The following CFAP69 variants were observed in gnomAD, a reference collection of about 807,000 sequenced individuals.
CFAP69 encodes cilia- and flagella-associated protein 69.
A neutral mutation model predicts 123.0 loss-of-function variants in CFAP69; 92 were observed. The observed-to-expected ratio is 0.75, with a 90% CI of 0.63 to 0.89. The LOEUF is 0.89. CFAP69 is among the 40% of genes least tolerant of loss of function. The probability of loss-of-function intolerance (pLI) is 0.00; values close to 1 mark genes in which losing one functional copy is unlikely to be tolerated. For synonymous variants in CFAP69, 380 were observed against 364.3 expected, an observed-to-expected ratio of 1.04 and a Z score of -0.49; for missense variants, 1,067 against 1,096.9, an observed-to-expected ratio of 0.97 and a Z score of 0.39.
chr7:90,264,492 T>C (rs921433281), intron 4 of CFAP69, among the ~76,000 whole-genome samples: 1 of 152,028 alleles, frequency 6.6e-6, no homozygotes, highest in African/African-American at 2.4e-5. Context: ...TAAGAATGAA[T>C]AAACTATCGA....
At chr7:90,291,169 G>T (rs562408949) in intron 15 of CFAP69, among the ~76,000 whole-genome samples, 4 of 152,262 alleles carry the variant, frequency 2.6e-5, no homozygotes, top group African/African-American at 9.6e-5. Context: ...AAGGATAAAA[G>T]AATGGCTACT....
chr7:90,253,165 A>G (rs189886619), intron 1 of CFAP69, among the ~76,000 whole-genome samples: 58 of 152,334 alleles, frequency 3.8e-4, no homozygotes, highest in African/African-American at 1.4e-3. Flanking sequence ...GATACAAAGG[A>G]AACTGGGAGA....
At chr7:90,291,169 G>A (rs562408949) in intron 15 of CFAP69, among the ~76,000 whole-genome samples, 2 of 152,144 alleles carry the variant, frequency 1.3e-5, no homozygotes, top group African/African-American at 4.8e-5. Context: ...AAGGATAAAA[G>A]AATGGCTACT....
At chr7:90,281,235 T>G (rs1447330035) in intron 12 of CFAP69, among the ~76,000 whole-genome samples, 2 of 152,092 alleles carry the variant, frequency 1.3e-5, no homozygotes, top group African/African-American at 4.8e-5. Context: ...GAGCAAAAAT[T>G]TAACCCAGGT....
intron 17 of CFAP69, chr7:90,303,617 A>G: frequency 1.0e-6 from 1 of 969,388 alleles, no homozygotes; most frequent in Non-Finnish European, 1.2e-6. Flanking sequence ...TAATATATAG[A>G]AACCAAAAGT....
chr7:90,296,863 A>T (rs762486198), intron 15 of CFAP69, among the ~76,000 whole-genome samples: 2 of 152,198 alleles, frequency 1.3e-5, no homozygotes, highest in Admixed American at 6.5e-5. Context: ...ACTGGGGATC[A>T]ATAGAAAGGA....
chr7:90,292,043 TTCTC>T (rs1398212199), intron 15 of CFAP69, among the ~76,000 whole-genome samples: 1 of 152,170 alleles, frequency 6.6e-6, no homozygotes, highest in Non-Finnish European at 1.5e-5. Flanking sequence ...TGAAACATAT[TTCTC>T]TCTCCAGTTT....
chr7:90,245,342 G>A lies in CFAP69; in HGVS notation c.-83G>A. On this transcript the variant is annotated 5_prime_UTR_variant, in exon 1 of 23. Transcript: ENST00000389297. ...CTCAGGCTGCCTTCCCTTCTCGGTGGCGGGGCCTCTTTGGGCCCAGCGGCT... is the reference window on the plus strand; with the variant it reads ...CTCAGGCTGCCTTCCCTTCTCGGTGACGGGGCCTCTTTGGGCCCAGCGGCT... The A allele has an allele frequency of 7.0e-7, 1 of 1,436,562 alleles. No individual in the cohort carries two copies. The highest frequency in any genetic ancestry group is 9.1e-7 in the Non-Finnish European group (1 of 1,095,636). 89.0% of individuals were successfully genotyped at this position (1,436,562 alleles called of 1,614,324 possible). A position where few individuals can be genotyped will look rare whatever the true frequency, so the allele number is the denominator to read the frequency against.
chr7:90,255,627 G>A (rs17865276), intron 2 of CFAP69, 145 bp downstream of exon 2: 1 of 601,416 alleles, frequency 1.7e-6, no homozygotes, highest in Non-Finnish European at 2.9e-6. Context: ...TATATTCAAG[G>A]ACTATTTAAA....
At chr7:90,284,277 A>G (rs1789936141) in intron 13 of CFAP69, among the ~76,000 whole-genome samples, 1 of 152,158 alleles carries the variant, frequency 6.6e-6, no homozygotes, top group South Asian at 2.1e-4. Context: ...TAACGTGCTC[A>G]ATAAGTAGTA....
At chr7:90,290,771 TTTTCTTTTCTTTTCTTTTCTTTTCTTTTC>T (rs1791032947) in intron 15 of CFAP69, among the ~76,000 whole-genome samples, 1 of 114,712 alleles carries the variant, frequency 8.7e-6, no homozygotes, top group African/African-American at 3.9e-5. Context: ...TTTTCTTTTC[TTTTCTTTTCTTTTCTTTTCTTTTCTTTTC>T]TTTTCTTTTC....
At chr7:90,279,419 A>G (rs1789095711) in intron 11 of CFAP69, among the ~76,000 whole-genome samples, 1 of 152,138 alleles carries the variant, frequency 6.6e-6, no homozygotes, top group South Asian at 2.1e-4. Flanking sequence ...ACTACATTAC[A>G]TATATGAGCA....
chr7:90,267,369 G>A (rs1306037599), intron 5 of CFAP69, among the ~76,000 whole-genome samples: 3 of 152,034 alleles, frequency 2.0e-5, no homozygotes, highest in Non-Finnish European at 4.4e-5. Flanking sequence ...CTCTCAGAGA[G>A]TCCAACCAGT....
chr7:90,273,257 G>A (rs766933930), intron 8 of CFAP69, among the ~76,000 whole-genome samples: 1 of 152,194 alleles, frequency 6.6e-6, no homozygotes, highest in Non-Finnish European at 1.5e-5. Flanking sequence ...TCAGTATGAT[G>A]AGAGCAGAAG....
the CFAP69 span, chr7:90,319,865 C>T: frequency 1.0e-5 from 4 of 397,138 alleles, no homozygotes; most frequent in African/African-American, 8.2e-5. Flanking sequence ...GCCAAATCTG[C>T]TTACTAGGTA....
intron 12 of CFAP69, 93 bp downstream of exon 12, chr7:90,279,986 T>G: frequency 1.1e-6 from 1 of 945,876 alleles, no homozygotes; most frequent in Non-Finnish European, 1.5e-6. Context: ...TGAAGTTAAT[T>G]AAAGCAATGA....
chr7:90,252,362 A>T (rs1180799283), intron 1 of CFAP69, among the ~76,000 whole-genome samples: 3 of 152,184 alleles, frequency 2.0e-5, no homozygotes, highest in Admixed American at 6.5e-5. Flanking sequence ...AATCCTTTTT[A>T]AAATTATTTT....
At chr7:90,274,392 C>A (rs1800428535) in intron 9 of CFAP69, among the ~76,000 whole-genome samples, 1 of 152,270 alleles carries the variant, frequency 6.6e-6, no homozygotes, top group African/African-American at 2.4e-5. Context: ...GGCATCATTT[C>A]TCTTTCACTG....
intron 3 of CFAP69, among the ~76,000 whole-genome samples, chr7:90,258,941 T>C (rs1797975593): frequency 1.3e-5 from 2 of 152,216 alleles, no homozygotes; most frequent in African/African-American, 4.8e-5. Flanking sequence ...CAGTTGTACC[T>C]TTGATAAGCT....
Sources: gnomAD v4.1 joint callset for allele counts (sites outside exome capture counted in the v4.1 genomes callset) on GRCh38, gnomAD v4.1.1 for gene constraint, MANE v1.5 for transcripts, NCBI Gene and HGNC (gene_info 2026-07-23, HGNC 2026-07-21) for gene names.